LDAH: variants seen among roughly 807,000 people sequenced by gnomAD.
The protein encoded by LDAH is lipid droplet associated hydrolase.
A neutral mutation model predicts 29.6 loss-of-function variants in LDAH; 26 were observed. The observed-to-expected ratio is 0.88, with a 90% confidence interval of 0.64 to 1.22. The LOEUF is 1.22. Among genes scored for constraint, LDAH ranks in the 50% most tolerant of loss-of-function variants. The pLI, the probability that LDAH is intolerant of heterozygous loss-of-function variation, is 0.00. For synonymous variants in LDAH, 117 were observed against 133.0 expected (o/e 0.88, Z 0.83); for missense variants, 344 against 387.3 (o/e 0.89, Z 0.94).
At chr2:20,789,056 T>C (rs552563123) in intron 3 of LDAH, 487 of 1,437,342 alleles carry the variant, frequency 3.4e-4, no homozygotes, top group Non-Finnish European at 4.5e-4. Flanking sequence ...CGCTATTAAA[T>C]CTTGCTCCCT....
At chr2:20,775,118 T>C (rs1188077679) in intron 3 of LDAH, 139 bp from the exon 4 acceptor site, 1 of 697,508 alleles carries the variant, frequency 1.4e-6, no homozygotes, top group South Asian at 2.0e-5. Flanking sequence ...ATATTAGGCA[T>C]TCATTATATT....
intron 5 of LDAH, among the ~76,000 whole-genome samples, chr2:20,730,032 C>G (rs1237786135): frequency 6.6e-6 from 1 of 152,162 alleles, no homozygotes; most frequent in Non-Finnish European, 1.5e-5. Context: ...GTTATCACTT[C>G]AAGAATGCTA....
chr2:20,720,443 A>G (rs1467242463), intron 5 of LDAH, among the ~76,000 whole-genome samples: 1 of 152,150 alleles, frequency 6.6e-6, no homozygotes, highest in Non-Finnish European at 1.5e-5. Flanking sequence ...AAGGAAAACT[A>G]TAAAACACTG....
chr2:20,709,534 G>A (rs901245089), intron 5 of LDAH, among the ~76,000 whole-genome samples: 1 of 152,172 alleles, frequency 6.6e-6, no homozygotes, highest in Non-Finnish European at 1.5e-5. Context: ...TGGAGAAACT[G>A]TAACCCTCAT....
rs1558372704 is a variant in LDAH at position 20,686,770 on chromosome 2, T to C, written c.*133A>G. 7 of 754,038 alleles carry C rather than the reference T, an allele frequency of 9.3e-6. No individual in the cohort carries two copies. The highest frequency in any genetic ancestry group is 5.6e-5 in the East Asian group (2 of 35,766). The allele number at this position is 754,038 out of a possible 1,614,324, so 46.7% of individuals were successfully genotyped here. On this transcript the variant is annotated 3_prime_UTR_variant, in exon 7 of 7. Coordinates refer to ENST00000237822, the MANE Select transcript of LDAH (RefSeq NM_021925.4). ...AGCCTATAACATGGCGAGCGGAGAG[T>C]TGGTTTGTAAGACAAAGGTTCTCAC...
intron 4 of LDAH, among the ~76,000 whole-genome samples, chr2:20,756,694 T>C (rs1253536876): frequency 6.6e-6 from 1 of 151,706 alleles, no homozygotes; most frequent in Non-Finnish European, 1.5e-5. Context: ...TTGAAAGAAA[T>C]GGATAATGGA....
intron 5 of LDAH, among the ~76,000 whole-genome samples, chr2:20,716,509 T>C (rs1665199533): frequency 7.2e-6 from 1 of 139,442 alleles, no homozygotes; most frequent in Non-Finnish European, 1.5e-5. Context: ...TTCTCACTCA[T>C]AGGTGGGAAT....
chr2:20,695,954 C>A (rs1283986892), intron 6 of LDAH, among the ~76,000 whole-genome samples: 1 of 152,286 alleles, frequency 6.6e-6, no homozygotes, highest in East Asian at 1.9e-4. Flanking sequence ...CTCTCCAGCA[C>A]GTTTGCCTCC....
At chr2:20,759,703 T>A (rs1302388545) in intron 4 of LDAH, among the ~76,000 whole-genome samples, 1 of 152,194 alleles carries the variant, frequency 6.6e-6, no homozygotes, top group East Asian at 1.9e-4. Context: ...ATGTTGTTCA[T>A]CTGTTTCCAC....
chr2:20,732,812 T>C (rs340624), intron 5 of LDAH, among the ~76,000 whole-genome samples: 54,352 of 152,028 alleles, frequency 0.36, 11,102 homozygotes, highest in Middle Eastern at 0.61. Context: ...TTGTCAATTT[T>C]ATTACTCTTT....
At chr2:20,775,049 T>C (rs1669712439) in intron 3 of LDAH, 70 bp from the exon 4 acceptor site, 1 of 1,363,258 alleles carries the variant, frequency 7.3e-7, no homozygotes, top group Non-Finnish European at 1.0e-6. Flanking sequence ...AAGAAAAAGA[T>C]AACAATCATG....
chr2:20,725,443 C>A (rs184748252), intron 5 of LDAH, among the ~76,000 whole-genome samples: 1 of 152,194 alleles, frequency 6.6e-6, no homozygotes. Flanking sequence ...AGGGTTACAA[C>A]GCCTGAAGGC....
chr2:20,706,102 G>A (rs978118877), intron 5 of LDAH, among the ~76,000 whole-genome samples: 2 of 152,126 alleles, frequency 1.3e-5, no homozygotes, highest in East Asian at 3.8e-4. Context: ...CTACCTTACT[G>A]AGCAGTGAAG....
intron 5 of LDAH, among the ~76,000 whole-genome samples, chr2:20,719,663 A>C (rs942385773): frequency 6.6e-6 from 1 of 152,026 alleles, no homozygotes; most frequent in African/African-American, 2.4e-5. Context: ...AGACCAGACA[A>C]GAATATAACA....
intron 4 of LDAH, among the ~76,000 whole-genome samples, chr2:20,746,946 AC>A (rs1480068238): frequency 6.6e-6 from 1 of 152,198 alleles, no homozygotes; most frequent in Non-Finnish European, 1.5e-5. Context: ...GTAAATATGC[AC>A]ACTGGGAATT....
intron 3 of LDAH, among the ~76,000 whole-genome samples, chr2:20,778,883 C>T (rs1032840497): frequency 1.4e-4 from 21 of 151,436 alleles, no homozygotes; most frequent in African/African-American, 5.1e-4. Context: ...TGAATCCAAG[C>T]AAAACAGTTT....
intron 5 of LDAH, among the ~76,000 whole-genome samples, chr2:20,715,132 T>G (rs1263614265): frequency 6.6e-6 from 1 of 152,156 alleles, no homozygotes; most frequent in African/African-American, 2.4e-5. Flanking sequence ...AAATCCTCAA[T>G]AAAATACTGG....
At chr2:20,794,801 G>A (rs1342561446) in intron 2 of LDAH, among the ~76,000 whole-genome samples, 2 of 152,170 alleles carry the variant, frequency 1.3e-5, no homozygotes, top group Non-Finnish European at 2.9e-5. Context: ...GCACCAAGCA[G>A]CACTAGATTG....
intron 1 of LDAH, among the ~76,000 whole-genome samples, chr2:20,805,901 TAA>T (rs1380484533): frequency 2.1e-5 from 3 of 146,166 alleles, no homozygotes; most frequent in African/African-American, 8.2e-5. Context: ...TATGTAAATA[TAA>T]TATTTATTTA....
Sources: gnomAD v4.1 joint callset for allele counts (sites outside exome capture counted in the v4.1 genomes callset) on GRCh38, gnomAD v4.1.1 for gene constraint, MANE v1.5 for transcripts, NCBI Gene and HGNC (gene_info 2026-07-23, HGNC 2026-07-21) for gene names.